ELMOD1: variants seen among roughly 807,000 people sequenced by gnomAD.
ELMOD1 encodes ELMO domain-containing protein 1.
A neutral mutation model predicts 46.7 loss-of-function variants in ELMOD1; 21 were observed. The observed-to-expected ratio is 0.45, with a 90% CI of 0.32 to 0.65. The LOEUF is 0.65. ELMOD1 is among the 30% of genes least tolerant of loss of function. The pLI is 0.04. For synonymous variants in ELMOD1, 122 were observed against 138.2 expected, an observed-to-expected ratio of 0.88 and a Z score of 0.82; for missense variants, 348 against 407.8, an observed-to-expected ratio of 0.85 and a Z score of 1.26.
chr11:107,643,434 G>T, intron 6 of ELMOD1: 1 of 231,360 alleles, frequency 4.3e-6, no homozygotes, highest in Non-Finnish European at 9.1e-6. Context: ...TCCAAGTTTT[G>T]CTATAGATGA....
chr11:107,641,369 T>G (rs190258842), intron 6 of ELMOD1, among the ~76,000 whole-genome samples: 108 of 152,300 alleles, frequency 7.1e-4, no homozygotes, highest in Admixed American at 2.4e-3. Flanking sequence ...TTTAATAACT[T>G]GTTTTCTAAG....
chr11:107,630,242 A>C (rs976879931), intron 2 of ELMOD1, among the ~76,000 whole-genome samples, 175 bp from the exon 3 acceptor site: 1 of 152,258 alleles, frequency 6.6e-6, no homozygotes, highest in Admixed American at 6.5e-5. Flanking sequence ...TCTTACAGTC[A>C]TAGTAAGTGT....
In ELMOD1 at chr11:107,631,648, G is replaced by GA; in HGVS notation, c.268dup (p.Ile90AsnfsTer2). The GA allele has an allele frequency of 6.4e-7, 1 of 1,554,576 alleles. No homozygotes were observed. The highest frequency in any genetic ancestry group is 8.7e-7 in the Non-Finnish European group (1 of 1,147,926). ...AAACTATAGAAGATATCATGGAACTGAAAAAAATTAATCCTGACGTAAATC... is the reference window on the plus strand; with the variant it reads ...AAACTATAGAAGATATCATGGAACTGAAAAAAAATTAATCCTGACGTAAATC... On this transcript the variant is annotated frameshift_variant, in exon 5 of 12. Transcript: ENST00000265840. LOFTEE classifies it high-confidence loss of function.
intron 11 of ELMOD1, among the ~76,000 whole-genome samples, chr11:107,661,249 G>C (rs1453606582): frequency 6.6e-6 from 1 of 152,178 alleles, no homozygotes; most frequent in African/African-American, 2.4e-5. Flanking sequence ...AACCTTTCAA[G>C]ATGTTTTTCT....
intron 1 of ELMOD1, among the ~76,000 whole-genome samples, chr11:107,609,388 C>CT (rs1430254990): frequency 6.6e-6 from 1 of 152,158 alleles, no homozygotes; most frequent in Non-Finnish European, 1.5e-5. Context: ...GTCCACCAGC[C>CT]TTTTGGTTGT....
chr11:107,657,924 A>G (rs890971392), intron 11 of ELMOD1, among the ~76,000 whole-genome samples: 2 of 152,244 alleles, frequency 1.3e-5, no homozygotes, highest in Non-Finnish European at 2.9e-5. Flanking sequence ...GTTTGAACAC[A>G]TTGAGAAGAC....
chr11:107,637,421 G>T (rs1213800034), intron 6 of ELMOD1, among the ~76,000 whole-genome samples: 1 of 152,144 alleles, frequency 6.6e-6, no homozygotes, highest in East Asian at 1.9e-4. Context: ...GGCCAGGTGT[G>T]GTGGCTCATG....
At chr11:107,654,276 TAGAA>T (rs1555069316) in intron 10 of ELMOD1, 54 bp downstream of exon 10, 1 of 1,443,422 alleles carries the variant, frequency 6.9e-7, no homozygotes, top group African/African-American at 1.4e-5. Context: ...GAACCAGAAC[TAGAA>T]CTAGAGTATC....
At chr11:107,641,499 A>T (rs561814332) in intron 6 of ELMOD1, among the ~76,000 whole-genome samples, 7 of 152,296 alleles carry the variant, frequency 4.6e-5, no homozygotes, top group South Asian at 4.1e-4. Flanking sequence ...ACAAATATAA[A>T]CAGGCATAAG....
intron 5 of ELMOD1, among the ~76,000 whole-genome samples, chr11:107,634,979 A>G (rs1209404255): frequency 1.3e-5 from 2 of 152,230 alleles, no homozygotes; most frequent in Non-Finnish European, 2.9e-5. Context: ...TACAGCGGTC[A>G]GAATGTAATA....
chr11:107,591,594 C>T (rs1865392246), intron 1 of ELMOD1, among the ~76,000 whole-genome samples, 185 bp downstream of exon 1: 1 of 152,208 alleles, frequency 6.6e-6, no homozygotes, highest in South Asian at 2.1e-4. Flanking sequence ...GCAGGGGCTC[C>T]GGGGTCACCC....
In ELMOD1 at chr11:107,592,019, A is replaced by C. The variant is rs150681471; in HGVS notation, c.-86+610A>C. 2.0e-3 allele frequency: 980 copies of C among 495,998 alleles called. 28 individuals carry two copies. In the East Asian group the frequency reaches 0.051, roughly 26 times the overall value. 30.7% of individuals were successfully genotyped at this position (495,998 alleles called of 1,614,324 possible). Reference sequence around the variant, plus strand: ...CCGGGCAGGTAGAATTGGACAGCCGAGTGGGGAGTGACAGCTGACAGCTGA... The same window carrying C: ...CCGGGCAGGTAGAATTGGACAGCCGCGTGGGGAGTGACAGCTGACAGCTGA... On this transcript the variant is annotated intron_variant, in intron 1 of 11. Transcript: ENST00000265840.
chr11:107,663,636 A>G (rs614781), intron 11 of ELMOD1, among the ~76,000 whole-genome samples: 1 of 152,186 alleles, frequency 6.6e-6, no homozygotes, highest in Non-Finnish European at 1.5e-5. Context: ...GTGGAAGTGG[A>G]CCAGCAGCCG....
At chr11:107,592,717 A>G in intron 1 of ELMOD1, 1 of 224,446 alleles carries the variant, frequency 4.5e-6, no homozygotes, top group Non-Finnish European at 9.1e-6. Flanking sequence ...CTTCTCTGTA[A>G]GACATCACTG....
chr11:107,663,848 C>T (rs114058993), intron 11 of ELMOD1, among the ~76,000 whole-genome samples: 1 of 152,172 alleles, frequency 6.6e-6, no homozygotes, highest in Non-Finnish European at 1.5e-5. Flanking sequence ...TCCTCCCCTT[C>T]CCCATTTTCA....
At chr11:107,645,089 ATTTTTTT>A (rs11390120) in intron 6 of ELMOD1, among the ~76,000 whole-genome samples, 1,669 of 103,188 alleles carry the variant, frequency 0.016, 43 homozygotes, top group African/African-American at 0.058. Flanking sequence ...TGCCTGGCTA[ATTTTTTT>A]TTTTTTTTTT....
intron 11 of ELMOD1, among the ~76,000 whole-genome samples, chr11:107,662,368 T>G (rs1038232130): frequency 6.6e-6 from 1 of 152,272 alleles, no homozygotes; most frequent in Admixed American, 6.5e-5. Context: ...CCCAGCATTT[T>G]GGGAGGCTGA....
At chr11:107,615,954 C>A (rs1472523714) in intron 1 of ELMOD1, among the ~76,000 whole-genome samples, 3 of 150,052 alleles carry the variant, frequency 2.0e-5, no homozygotes, top group Non-Finnish European at 4.4e-5. Context: ...GCCTTGATCA[C>A]CTGGCTGAGG....
chr11:107,657,007 A>C (rs534015155), intron 11 of ELMOD1, among the ~76,000 whole-genome samples: 1 of 152,324 alleles, frequency 6.6e-6, no homozygotes, highest in East Asian at 1.9e-4. Context: ...AAGGGGAATC[A>C]AAGAAATAAA....
Sources: allele counts gnomAD v4.1 joint callset (sites outside exome capture counted in the v4.1 genomes callset), GRCh38; gene constraint gnomAD v4.1.1; transcripts MANE v1.5; gene names NCBI Gene and HGNC (gene_info 2026-07-23, HGNC 2026-07-21).